The following EXOC6B variants were observed in gnomAD, a reference collection of about 807,000 sequenced individuals.
The protein encoded by EXOC6B is SEC15 homolog B.
EXOC6B carries 54 observed loss-of-function variants against 113.5 expected under a neutral mutation model. That is an observed-to-expected ratio of 0.48 (90% CI 0.38 to 0.60). The LOEUF is 0.60. Among genes scored for constraint, EXOC6B ranks in the 20% least tolerant of loss-of-function variants. The pLI is 0.00. For missense variants in EXOC6B, 797 were observed against 977.5 expected, an observed-to-expected ratio of 0.82 and a Z score of 2.46; for synonymous variants, 357 against 339.0, an observed-to-expected ratio of 1.05 and a Z score of -0.58.
intron 1 of EXOC6B, among the ~76,000 whole-genome samples, chr2:72,768,531 C>T (rs1237660671): frequency 6.6e-6 from 1 of 151,908 alleles, no homozygotes; most frequent in Non-Finnish European, 1.5e-5. Context: ...TCTCAAACTC[C>T]AGACCTCAGG....
intron 19 of EXOC6B, among the ~76,000 whole-genome samples, chr2:72,364,617 T>C (rs541544944): frequency 1.3e-4 from 20 of 152,296 alleles, no homozygotes; most frequent in Admixed American, 2.6e-4. Flanking sequence ...GCATTAAGGA[T>C]GTAGATTCTC....
intron 20 of EXOC6B, among the ~76,000 whole-genome samples, chr2:72,305,665 G>C (rs1433643014): frequency 6.6e-6 from 1 of 152,052 alleles, no homozygotes; most frequent in African/African-American, 2.4e-5. Context: ...ACAAGACACA[G>C]ATAATAATAG....
At chr2:72,298,995 G>A (rs901149998) in intron 20 of EXOC6B, among the ~76,000 whole-genome samples, 23 of 152,154 alleles carry the variant, frequency 1.5e-4, no homozygotes, top group Admixed American at 3.9e-4. Flanking sequence ...TATCTTTGTG[G>A]TGTTCTCTGT....
chr2:72,245,728 T>C (rs983973520), intron 20 of EXOC6B, among the ~76,000 whole-genome samples: 3 of 152,210 alleles, frequency 2.0e-5, no homozygotes, highest in African/African-American at 4.8e-5. Context: ...ATACATGTTA[T>C]ATATTTGCCA....
chr2:72,591,910 A>C (rs1705991400), intron 6 of EXOC6B, among the ~76,000 whole-genome samples: 1 of 152,128 alleles, frequency 6.6e-6, no homozygotes, highest in Admixed American at 6.6e-5. Context: ...AAATTTATAC[A>C]ACATAAATAT....
chr2:72,264,587 C>A (rs1683936363), intron 20 of EXOC6B, among the ~76,000 whole-genome samples: 1 of 151,920 alleles, frequency 6.6e-6, no homozygotes, highest in South Asian at 2.1e-4. Flanking sequence ...AACAAAAACA[C>A]CAACAACATA....
At chr2:72,440,840 A>G (rs1406865892) in intron 18 of EXOC6B, among the ~76,000 whole-genome samples, 1 of 152,184 alleles carries the variant, frequency 6.6e-6, no homozygotes, top group East Asian at 1.9e-4. Context: ...AGGAAAATCT[A>G]CGAAGCAAAT....
chr2:72,274,472 G>A (rs915525253), intron 20 of EXOC6B, among the ~76,000 whole-genome samples: 1 of 152,090 alleles, frequency 6.6e-6, no homozygotes, highest in Admixed American at 6.6e-5. Context: ...TTGAGATAAG[G>A]AGCCTGGGTT....
At chr2:72,275,863 T>G (rs1194762121) in intron 20 of EXOC6B, among the ~76,000 whole-genome samples, 1 of 152,180 alleles carries the variant, frequency 6.6e-6, no homozygotes, top group Non-Finnish European at 1.5e-5. Context: ...TTAATTTTTT[T>G]TGGGGGGTGG....
At chr2:72,631,444 A>G (rs1377746208) in intron 6 of EXOC6B, among the ~76,000 whole-genome samples, 45 of 74,676 alleles carry the variant, frequency 6.0e-4, no homozygotes, top group Admixed American at 1.1e-3. Context: ...ATATATATAT[A>G]TATATATATA....
chr2:72,587,422 G>A lies in EXOC6B; in HGVS notation c.670-11754C>T, dbSNP rs184727129. ...GACACTGGGGACTGACTAATAAAGG[G>A]GGAGAGAAAGGAAAGAAAAGGGTTG... On this transcript the variant is annotated intron_variant, in intron 6 of 21. Transcript: ENST00000272427. Among the ~76,000 whole-genome samples, 833 of 152,222 alleles carry A rather than the reference G, an allele frequency of 5.5e-3. 8 individuals are homozygous for A. Among genetic ancestry groups the A allele is most frequent in the African/African-American group, 0.019 (795 of 41,542 alleles).
intron 6 of EXOC6B, among the ~76,000 whole-genome samples, chr2:72,705,824 C>T (rs560297857): frequency 4.6e-5 from 7 of 152,146 alleles, no homozygotes; most frequent in Non-Finnish European, 8.8e-5. Flanking sequence ...TTGGGTTATG[C>T]GCTCATTTCT....
chr2:72,730,975 G>C (rs1464004129), intron 5 of EXOC6B, 32 bp downstream of exon 5: 5 of 1,479,324 alleles, frequency 3.4e-6, no homozygotes, highest in Non-Finnish European at 4.5e-6. Flanking sequence ...ATTTTAGATA[G>C]TAAAAACTGT....
chr2:72,650,342 C>G (rs939188430), intron 6 of EXOC6B, among the ~76,000 whole-genome samples: 2 of 152,180 alleles, frequency 1.3e-5, no homozygotes, highest in Non-Finnish European at 2.9e-5. Context: ...TGGCTCATGC[C>G]TGTAATCCCA....
chr2:72,464,729 AAGAAAACAG>A (rs1697929198), intron 18 of EXOC6B: 1 of 166,250 alleles, frequency 6.0e-6, no homozygotes, highest in Non-Finnish European at 1.3e-5. Flanking sequence ...TAATATGCTT[AAGAAAACAG>A]AGAAAACATA....
chr2:72,435,289 A>G (rs757229147), intron 18 of EXOC6B, among the ~76,000 whole-genome samples: 2 of 152,018 alleles, frequency 1.3e-5, no homozygotes, highest in Non-Finnish European at 2.9e-5. Context: ...TATGATTTCC[A>G]TTCTTTTGAA....
At chr2:72,385,090 A>C (rs546452880) in intron 18 of EXOC6B, among the ~76,000 whole-genome samples, 3 of 152,160 alleles carry the variant, frequency 2.0e-5, no homozygotes, top group Non-Finnish European at 2.9e-5. Context: ...TGGAGCTGTC[A>C]CATAGTCTGA....
At chr2:72,731,707 C>G (rs562430829) in intron 3 of EXOC6B, among the ~76,000 whole-genome samples, 1 of 152,046 alleles carries the variant, frequency 6.6e-6, no homozygotes, top group Non-Finnish European at 1.5e-5. Flanking sequence ...GTGAGACAAA[C>G]TTCTTCAAAA....
intron 8 of EXOC6B, among the ~76,000 whole-genome samples, chr2:72,549,485 C>T (rs1314498265): frequency 6.6e-6 from 1 of 151,950 alleles, no homozygotes; most frequent in Non-Finnish European, 1.5e-5. Flanking sequence ...TCAGAAAAAC[C>T]CAAGAGTTTA....
Sources: gnomAD v4.1 joint callset for allele counts (sites outside exome capture counted in the v4.1 genomes callset) on GRCh38, gnomAD v4.1.1 for gene constraint, MANE v1.5 for transcripts, NCBI Gene and HGNC (gene_info 2026-07-23, HGNC 2026-07-21) for gene names.